Variants in ANO2 observed in about 807,000 individuals in gnomAD.
ANO2 encodes anoctamin-2.
ANO2 carries 101 observed loss-of-function variants against 124.2 expected under a neutral mutation model. That is an observed-to-expected ratio of 0.81 (90% CI 0.69 to 0.96). ANO2 has a LOEUF of 0.96. Ranked by LOEUF, ANO2 falls within the 40% of genes least tolerant of loss-of-function variation. The pLI, the probability that ANO2 is intolerant of heterozygous loss-of-function variation, is 0.00. For synonymous variants in ANO2, 486 were observed against 482.5 expected (o/e 1.01, Z -0.09); for missense variants, 1,293 against 1,274.5 (o/e 1.01, Z -0.22).
rs1421607801 is a variant in ANO2, at chr12:5,636,103, G to A, written c.1621-756C>T. ...GGACTCAGATTCCTCATTTGGTAGAGAAATGTCTAGCTGCTGTGCTCCAAA... is the reference window on the plus strand; with the variant it reads ...GGACTCAGATTCCTCATTTGGTAGAAAAATGTCTAGCTGCTGTGCTCCAAA... On this transcript the variant is annotated intron_variant, in intron 15 of 24. Transcript: ENST00000682330. This position sits in a 1 kb window ranked among gnomAD's most constrained non-coding sequence, Gnocchi z 4.6. Among the ~76,000 whole-genome samples, 1 of 152,192 alleles carries A rather than the reference G, an allele frequency of 6.6e-6. No homozygotes were observed. The highest frequency in any genetic ancestry group is 6.5e-5 in the Admixed American group (1 of 15,280).
At chr12:5,785,445 C>T (rs529472786) in intron 10 of ANO2, among the ~76,000 whole-genome samples, 1 of 152,288 alleles carries the variant, frequency 6.6e-6, no homozygotes, top group African/African-American at 2.4e-5. Context: ...TCACTGCTCA[C>T]TGGTCCTGCA....
chr12:5,630,551 GCAGA>G (rs1164710551), intron 16 of ANO2, among the ~76,000 whole-genome samples: 3 of 152,296 alleles, frequency 2.0e-5, no homozygotes, highest in Non-Finnish European at 4.4e-5. Flanking sequence ...CCTTCTGTAG[GCAGA>G]CAGAGTTGAA....
intron 14 of ANO2, among the ~76,000 whole-genome samples, chr12:5,703,268 A>G (rs756149306): frequency 6.6e-6 from 1 of 152,260 alleles, no homozygotes. Context: ...TACAATTTAG[A>G]TGAAGTTTAC....
At position 5,636,615 on chromosome 12, in the gene ANO2, C is replaced by CACACACAT. The variant is rs1946027742; in HGVS notation, c.1621-1269_1621-1268insATGTGTGT. 6.8e-6 allele frequency among the ~76,000 whole-genome samples: 1 copy of CACACACAT among 147,708 alleles called. No individual in the cohort carries two copies. Among genetic ancestry groups the CACACACAT allele is most frequent in the African/African-American group, 2.5e-5 (1 of 39,840 alleles). On this transcript the variant is annotated intron_variant, in intron 15 of 24. Coordinates refer to ENST00000682330, the MANE Select transcript of ANO2 (RefSeq NM_001364791.2). This position sits in a 1 kb window ranked among gnomAD's most constrained non-coding sequence, Gnocchi z 4.6. ...TAAGCTGTGCTGGACTACACACACA[C>CACACACAT]ACACACACACACACACACACACACA...
chr12:5,765,062 G>A (rs902808014), intron 10 of ANO2, among the ~76,000 whole-genome samples: 2 of 152,200 alleles, frequency 1.3e-5, no homozygotes, highest in African/African-American at 4.8e-5. Context: ...CAGTCCAGGA[G>A]CCTGAGCACA....
intron 3 of ANO2, among the ~76,000 whole-genome samples, chr12:5,913,427 G>A (rs2136294327): frequency 6.6e-6 from 1 of 152,318 alleles, no homozygotes; most frequent in Non-Finnish European, 1.5e-5. Flanking sequence ...AGAGTCCAGT[G>A]GGCTCACGGC....
In ANO2 at chr12:5,562,804, G is replaced by A. The variant is rs555949077; in HGVS notation, c.*495C>T. The A allele has an allele frequency of 3.0e-4, 47 of 159,082 alleles. 1 individual carries two copies. The South Asian group carries it at 7.8e-3, about 26-fold the overall frequency. 9.9% of individuals were successfully genotyped at this position (159,082 alleles called of 1,614,324 possible). On this transcript the variant is annotated 3_prime_UTR_variant, in exon 25 of 25. Transcript: ENST00000682330. The stretch of plus-strand genomic sequence containing the variant: ...TTTGCACCTTACTATCAGGTCCAGC[G>A]GCTGCACCATTCAGCCTTGTAACTT...
At chr12:5,943,160 C>A (rs973899050) in intron 1 of ANO2, among the ~76,000 whole-genome samples, 2 of 152,156 alleles carry the variant, frequency 1.3e-5, no homozygotes, top group South Asian at 2.1e-4. Context: ...AAGACACATG[C>A]ACATGTATGT....
chr12:5,898,856 C>T (rs1223199175), intron 3 of ANO2, among the ~76,000 whole-genome samples: 3 of 152,152 alleles, frequency 2.0e-5, no homozygotes, highest in East Asian at 3.9e-4. Flanking sequence ...CCAAGTTGTA[C>T]AATAAAAATT....
chr12:5,837,469 C>T (rs1180409621), intron 4 of ANO2, among the ~76,000 whole-genome samples: 1 of 100,888 alleles, frequency 9.9e-6, no homozygotes, highest in Non-Finnish European at 1.9e-5. Context: ...CGATGCTATC[C>T]CTCCCCCCTC....
At chr12:5,662,556 C>T in intron 14 of ANO2, among the ~76,000 whole-genome samples, 1 of 152,176 alleles carries the variant, frequency 6.6e-6, no homozygotes, top group East Asian at 1.9e-4. Context: ...GTTCTAGCCT[C>T]CACCTATGGA....
intron 10 of ANO2, among the ~76,000 whole-genome samples, chr12:5,783,905 T>C (rs573952255): frequency 4.1e-4 from 63 of 152,180 alleles, no homozygotes; most frequent in Admixed American, 9.2e-4. Flanking sequence ...CTGGGAAAAG[T>C]AACTAGGGGC....
At chr12:5,608,642 A>C (rs1229686429) in intron 19 of ANO2, 1 of 152,152 alleles carries the variant, frequency 6.6e-6, no homozygotes, top group African/African-American at 2.4e-5. Flanking sequence ...TGGCTTTATG[A>C]GTTACTGTGC....
At chr12:5,817,678 T>C (rs1276033234) in intron 7 of ANO2, among the ~76,000 whole-genome samples, 1 of 152,140 alleles carries the variant, frequency 6.6e-6, no homozygotes, top group African/African-American at 2.4e-5. Context: ...AGTGGTCATA[T>C]TAACAGGAAG....
At chr12:5,681,016 A>C (rs367949578) in intron 14 of ANO2, among the ~76,000 whole-genome samples, 21 of 152,180 alleles carry the variant, frequency 1.4e-4, no homozygotes, top group African/African-American at 4.8e-4. Context: ...ATAAAGGGGA[A>C]CATGGGTACT....
chr12:5,821,407 A>T (rs771374249), intron 7 of ANO2, among the ~76,000 whole-genome samples: 1 of 152,216 alleles, frequency 6.6e-6, no homozygotes, highest in Non-Finnish European at 1.5e-5. Flanking sequence ...CGGCCCGTTT[A>T]TCAAGTGATA....
In ANO2 at chr12:5,769,723, C is replaced by T. The variant is rs752088410; in HGVS notation, c.1056-18753G>A. Among the ~76,000 whole-genome samples the T allele has an allele frequency of 5.3e-5, 8 of 152,264 alleles. No individual in the cohort carries two copies. In the South Asian group the frequency reaches 6.2e-4, roughly 12 times the overall value. ...GTAAAATAAAATCGCTCCATTTCTG[C>T]GTGCACCCTTCATTCTAGGTACTCT... On this transcript the variant is annotated intron_variant, in intron 10 of 24. Transcript: ENST00000682330. This position sits in a 1 kb window ranked among gnomAD's most constrained non-coding sequence, Gnocchi z 4.0.
intron 20 of ANO2, among the ~76,000 whole-genome samples, chr12:5,587,866 C>T (rs960538701): frequency 6.6e-6 from 1 of 152,150 alleles, no homozygotes; most frequent in Non-Finnish European, 1.5e-5. Context: ...ACCTCGCAGC[C>T]CCTCCCCCAA....
intron 1 of ANO2, among the ~76,000 whole-genome samples, chr12:5,929,322 TAC>T (rs1942243240): frequency 8.9e-6 from 1 of 112,984 alleles, no homozygotes; most frequent in African/African-American, 4.6e-5. Context: ...CTTCCTTCCT[TAC>T]TAGTCTATCT....
Sources: gnomAD v4.1 joint callset for allele counts (sites outside exome capture counted in the v4.1 genomes callset) on GRCh38, gnomAD v4.1.1 for gene constraint, Gnocchi (gnomAD v3.1) non-coding constraint, MANE v1.5 for transcripts, NCBI Gene and HGNC (gene_info 2026-07-23, HGNC 2026-07-21) for gene names.